GPC3: variants seen among roughly 807,000 people sequenced by gnomAD.
GPC3 encodes the protein glypican-3.
A neutral mutation model predicts 34.4 loss-of-function variants in GPC3; 3 were observed. That is an observed-to-expected ratio of 0.09 (90% CI 0.04 to 0.23). The LOEUF (loss-of-function observed/expected upper bound fraction) is 0.23. Ranked by LOEUF, GPC3 falls within the 10% of genes least tolerant of loss-of-function variation. GPC3 has a pLI of 1.00. For missense variants in GPC3, 351 were observed against 445.6 expected, an observed-to-expected ratio of 0.79 and a Z score of 1.91; for synonymous variants, 177 against 174.0, an observed-to-expected ratio of 1.02 and a Z score of -0.13.
At chrX:133,872,199 T>G (rs1162393406) in intron 2 of GPC3, among the ~76,000 whole-genome samples, 1 of 111,653 alleles carries the variant, frequency 9.0e-6, no homozygotes, top group East Asian at 2.8e-4. Flanking sequence ...AAGAAAAAGT[T>G]CAATTTTTTA....
intron 1 of GPC3, among the ~76,000 whole-genome samples, chrX:133,964,609 A>G (rs901279388): frequency 9.0e-6 from 1 of 111,512 alleles, no homozygotes; most frequent in Non-Finnish European, 1.9e-5. Context: ...AGGGGGAAAG[A>G]GTGTATTAGT....
At chrX:133,952,151 T>C (rs753713919) in intron 2 of GPC3, among the ~76,000 whole-genome samples, 1 of 111,085 alleles carries the variant, frequency 9.0e-6, no homozygotes, top group Non-Finnish European at 1.9e-5. Flanking sequence ...GTTAAAAGAA[T>C]AGACTCTAAG....
At chrX:133,712,825 C>T (rs749408753) in intron 3 of GPC3, among the ~76,000 whole-genome samples, 20 of 110,013 alleles carry the variant, frequency 1.8e-4, no homozygotes, top group East Asian at 1.1e-3. Context: ...GTGGAGGTTG[C>T]GGTGAGCCGA....
intron 2 of GPC3, among the ~76,000 whole-genome samples, chrX:133,788,890 G>A (rs1341618230): frequency 9.1e-6 from 1 of 110,439 alleles, no homozygotes; most frequent in Non-Finnish European, 1.9e-5. Flanking sequence ...GTTGCCCAAG[G>A]TTACACAGCC....
chrX:133,970,637 A>G (rs2076487502), intron 1 of GPC3, among the ~76,000 whole-genome samples: 1 of 109,105 alleles, frequency 9.2e-6, no homozygotes, highest in African/African-American at 3.4e-5. Flanking sequence ...TGTGTCCATC[A>G]AGCAAAGTGC....
intron 1 of GPC3, among the ~76,000 whole-genome samples, chrX:133,970,341 A>G (rs1173997379): frequency 9.0e-6 from 1 of 111,626 alleles, no homozygotes; most frequent in Non-Finnish European, 1.9e-5. Context: ...AGGTTCATAT[A>G]TATGTGTGAC....
intron 2 of GPC3, among the ~76,000 whole-genome samples, chrX:133,849,243 C>T (rs1221076169): frequency 9.2e-6 from 1 of 108,667 alleles, no homozygotes; most frequent in Non-Finnish European, 1.9e-5. Flanking sequence ...TACAGGCGCC[C>T]GCCAACACGC....
intron 2 of GPC3, among the ~76,000 whole-genome samples, chrX:133,906,749 C>T (rs1291694103): frequency 1.8e-5 from 2 of 112,010 alleles, no homozygotes; most frequent in Non-Finnish European, 3.8e-5. Flanking sequence ...GCAAAAGGTG[C>T]CTGGCTCTCT....
chrX:133,538,617 ATT>A (rs34180192), intron 7 of GPC3, among the ~76,000 whole-genome samples: 1,658 of 93,039 alleles, frequency 0.018, 32 homozygotes, highest in African/African-American at 0.06. Flanking sequence ...GTTGTGTCTA[ATT>A]TTTTTTTTTT....
At position 133,671,229 on chromosome X, in the gene GPC3, C is replaced by T. The variant is rs2070824251; in HGVS notation, c.1293-9379G>A. ...ATGATTTATGATTCCCTGGATTATG[C>T]AAAGAAAAATGAACCCAAACATAGA... On this transcript the variant is annotated intron_variant, in intron 5 of 7. Coordinates refer to ENST00000370818, the MANE Select transcript of GPC3 (RefSeq NM_004484.4). 4.3e-6 allele frequency: 5 copies of T among 1,160,407 alleles called. No homozygotes were observed. The South Asian group carries it at 7.2e-5, about 17-fold the overall frequency.
At chrX:133,613,253 G>A (rs1404729023) in intron 6 of GPC3, among the ~76,000 whole-genome samples, 2 of 112,085 alleles carry the variant, frequency 1.8e-5, no homozygotes, top group Non-Finnish European at 3.8e-5. Flanking sequence ...GCTCTTCTAT[G>A]TAATTTGCTT....
intron 7 of GPC3, among the ~76,000 whole-genome samples, chrX:133,569,400 C>T (rs1339448266): frequency 9.0e-6 from 1 of 111,294 alleles, no homozygotes; most frequent in Non-Finnish European, 1.9e-5. Flanking sequence ...ACACTGAGGG[C>T]AGGGGGTGGG....
At chrX:133,818,722 G>C (rs2075704307) in intron 2 of GPC3, among the ~76,000 whole-genome samples, 1 of 111,605 alleles carries the variant, frequency 9.0e-6, no homozygotes, top group South Asian at 3.8e-4. Flanking sequence ...TATAAACTCT[G>C]AGCAAGTTGT....
At chrX:133,747,498 G>A (rs770358756) in intron 3 of GPC3, among the ~76,000 whole-genome samples, 16 of 112,078 alleles carry the variant, frequency 1.4e-4, no homozygotes, top group Non-Finnish European at 2.3e-4. Context: ...AAAACAGTAG[G>A]GAGTAATACA....
chrX:133,718,775 A>ATCAATAGACATCAAGAGTGGC (rs2071336425), intron 3 of GPC3, among the ~76,000 whole-genome samples: 2 of 111,441 alleles, frequency 1.8e-5, no homozygotes, highest in Admixed American at 1.9e-4. Context: ...ACCAACTAGA[A>ATCAATAGACATCAAGAGTGGC]TCAATAGACA....
intron 2 of GPC3, among the ~76,000 whole-genome samples, chrX:133,832,603 G>T (rs1216197977): frequency 9.0e-6 from 1 of 111,208 alleles, no homozygotes; most frequent in Non-Finnish European, 1.9e-5. Flanking sequence ...GTACTCTACT[G>T]ATTAACACAG....
chrX:133,834,676 G>A (rs1168857374), intron 2 of GPC3, among the ~76,000 whole-genome samples: 4 of 112,005 alleles, frequency 3.6e-5, no homozygotes, highest in Non-Finnish European at 7.5e-5. Context: ...TATCAGGACT[G>A]TATTATTTCA....
intron 3 of GPC3, among the ~76,000 whole-genome samples, chrX:133,720,978 A>T (rs2071359412): frequency 9.1e-6 from 1 of 110,248 alleles, no homozygotes; most frequent in South Asian, 3.9e-4. Context: ...CTCACAAATC[A>T]TCATTAAAGA....
intron 2 of GPC3, among the ~76,000 whole-genome samples, chrX:133,869,797 C>G (rs1458844903): frequency 4.5e-5 from 5 of 110,165 alleles, no homozygotes; most frequent in Non-Finnish European, 9.5e-5. Context: ...ACTAAAAATA[C>G]AAAAAAAATT....
Sources: gnomAD v4.1 joint callset for allele counts (sites outside exome capture counted in the v4.1 genomes callset) on GRCh38, gnomAD v4.1.1 for gene constraint, MANE v1.5 for transcripts, NCBI Gene and HGNC (gene_info 2026-07-23, HGNC 2026-07-21) for gene names.